Variants in CELF4 observed in about 807,000 individuals in gnomAD.
The protein encoded by CELF4 is CUG-BP- and ETR-3-like factor 4.
Under a neutral mutation model 59.9 loss-of-function variants are expected in CELF4, and 18 were observed. The ratio of observed to expected loss-of-function variants is 0.30; its 90% CI spans 0.21 to 0.45. The LOEUF is 0.45. Among genes scored for constraint, CELF4 ranks in the 20% least tolerant of loss-of-function variants. The pLI is 1.00. For missense variants in CELF4, 456 were observed against 689.0 expected (o/e 0.66, Z 3.79); for synonymous variants, 261 against 267.1 (o/e 0.98, Z 0.22).
In CELF4 at chr18:37,244,491, G is replaced by A. The variant is rs1452993954; in HGVS notation, c.*751C>T. The A allele has an allele frequency of 1.3e-5, 2 of 152,498 alleles. No homozygotes were observed. The highest frequency in any genetic ancestry group is 2.9e-5 in the Non-Finnish European group (2 of 68,018). The allele number at this position is 152,498 out of a possible 1,614,324, so 9.4% of individuals were successfully genotyped here. A position where few individuals can be genotyped will look rare whatever the true frequency, so the allele number is the denominator to read the frequency against. ...ATAGACTTGGATGAGGGTCATCAAA[G>A]CGCCTCTCAAAGTATCAAAGAACTA... On this transcript the variant is annotated 3_prime_UTR_variant, in exon 13 of 13. Coordinates refer to ENST00000420428, the MANE Select transcript of CELF4 (RefSeq NM_020180.4).
chr18:37,279,525 G>C (rs2093850037), intron 3 of CELF4, among the ~76,000 whole-genome samples: 1 of 152,226 alleles, frequency 6.6e-6, no homozygotes, highest in Non-Finnish European at 1.5e-5. Flanking sequence ...AGGGGAGCAA[G>C]CATGTTCTAC....
chr18:37,311,744 A>T (rs1194226913), intron 3 of CELF4, among the ~76,000 whole-genome samples: 3 of 145,386 alleles, frequency 2.1e-5, no homozygotes, highest in Non-Finnish European at 4.5e-5. Context: ...AGCCAGGATC[A>T]TGCCACTGCA....
chr18:37,417,733 C>T (rs1486119824), intron 2 of CELF4, among the ~76,000 whole-genome samples: 1 of 152,206 alleles, frequency 6.6e-6, no homozygotes, highest in Non-Finnish European at 1.5e-5. Flanking sequence ...ACTGTGAAGG[C>T]CAGTCTGATT....
In CELF4 at chr18:37,485,603, G is replaced by T. The variant is rs1440844603; in HGVS notation, c.291C>A (p.Cys97Ter). Reference protein sequence around the residue: ...KDRFTGMHKGCAFLTYCERES... With the variant: ...KDRFTGMHKG ...CACGCTCGCAGTAGGTGAGGAAGGC[G>T]CAGCCTGGGGAGGAAAGCAAGCGCC... Residue 97 changes from cysteine (C) to a stop codon, truncating the protein, a stop_gained, in exon 2 of 13, where the codon TGC becomes TGA. Coordinates refer to ENST00000420428, the MANE Select transcript of CELF4 (RefSeq NM_020180.4). LOFTEE classifies it high-confidence loss of function. 2 of 1,451,358 alleles carry T rather than the reference G, an allele frequency of 1.4e-6. No homozygotes were observed. The highest frequency in any genetic ancestry group is 1.4e-5 in the South Asian group (1 of 68,982). 89.9% of individuals were successfully genotyped at this position (1,451,358 alleles called of 1,614,324 possible).
rs71168259 is a variant in CELF4 at position 37,444,652 on chromosome 18, A to ACACACACACACACACG, written c.369+40872_369+40873insCGTGTGTGTGTGTGTG. On this transcript the variant is annotated intron_variant, in intron 2 of 12. Coordinates refer to ENST00000420428, the MANE Select transcript of CELF4 (RefSeq NM_020180.4). ...CACACACACACACACACACACACAC[A>ACACACACACACACACG]CGCGAACGATGCAGTTTCAGAGGAG... Among the ~76,000 whole-genome samples, 560 of 144,104 alleles carry ACACACACACACACACG rather than the reference A, an allele frequency of 3.9e-3. 4 individuals carry two copies. Among genetic ancestry groups the ACACACACACACACACG allele is most frequent in the African/African-American group, 0.014 (526 of 38,550 alleles). The allele number at this position is 144,104 out of a possible 152,430, so 94.5% of individuals were successfully genotyped here. A position where few individuals can be genotyped will look rare whatever the true frequency, so the allele number is the denominator to read the frequency against.
chr18:37,350,157 G>A (rs2098409126), intron 2 of CELF4, among the ~76,000 whole-genome samples: 1 of 152,094 alleles, frequency 6.6e-6, no homozygotes, highest in Non-Finnish European at 1.5e-5. Context: ...TCAGCAACCA[G>A]GGACAGGCAC....
At chr18:37,462,941 G>T (rs1219680210) in intron 2 of CELF4, among the ~76,000 whole-genome samples, 1 of 152,140 alleles carries the variant, frequency 6.6e-6, no homozygotes, top group African/African-American at 2.4e-5. Flanking sequence ...ATAATGCAAG[G>T]TGTACCATGT....
At position 37,367,820 on chromosome 18, in the gene CELF4, G is replaced by T. The variant is rs79914366; in HGVS notation, c.370-45939C>A. ...GTCAGCTCCGTGGCGCCGGTGAAGT[G>T]GGAAAGTTCATCCATCTCTCCTAAC... On this transcript the variant is annotated intron_variant, in intron 2 of 12. Coordinates refer to ENST00000420428, the MANE Select transcript of CELF4 (RefSeq NM_020180.4). Among the ~76,000 whole-genome samples, 108 of 152,214 alleles carry T rather than the reference G, an allele frequency of 7.1e-4. 2 individuals carry two copies. The East Asian group carries it at 0.017, about 23-fold the overall frequency.
intron 1 of CELF4, among the ~76,000 whole-genome samples, chr18:37,488,571 A>T (rs1388616228): frequency 6.6e-6 from 1 of 152,108 alleles, no homozygotes; most frequent in Admixed American, 6.5e-5. Context: ...AGAGTTGATA[A>T]GTGGGTTCCT....
At chr18:37,393,516 G>A (rs1443875326) in intron 2 of CELF4, among the ~76,000 whole-genome samples, 1 of 152,218 alleles carries the variant, frequency 6.6e-6, no homozygotes, top group African/African-American at 2.4e-5. Context: ...CTGGGTTTGG[G>A]CTGCCTGGAG....
chr18:37,327,787 C>G (rs1383075907), intron 2 of CELF4, among the ~76,000 whole-genome samples: 1 of 152,186 alleles, frequency 6.6e-6, no homozygotes, highest in Non-Finnish European at 1.5e-5. Flanking sequence ...CCTCTGTGCC[C>G]TCTGCTTCAC....
intron 2 of CELF4, among the ~76,000 whole-genome samples, chr18:37,357,501 A>G (rs1425962579): frequency 2.6e-5 from 4 of 152,232 alleles, no homozygotes; most frequent in African/African-American, 9.6e-5. Flanking sequence ...TGGGGTCCTC[A>G]TGGAGAACCT....
intron 1 of CELF4, among the ~76,000 whole-genome samples, chr18:37,520,400 G>C (rs1310278595): frequency 6.6e-6 from 1 of 152,218 alleles, no homozygotes; most frequent in East Asian, 1.9e-4. Flanking sequence ...ATGTAGAAAT[G>C]AAGGCCCAGA....
chr18:37,271,975 T>C (rs948438), intron 7 of CELF4, among the ~76,000 whole-genome samples: 74,179 of 152,040 alleles, frequency 0.49, 18,623 homozygotes, highest in African/African-American at 0.56. Flanking sequence ...GGACCTGAGG[T>C]TGGCCACTGC....
At chr18:37,251,880 A>G (rs959939553) in intron 12 of CELF4, among the ~76,000 whole-genome samples, 1 of 152,054 alleles carries the variant, frequency 6.6e-6, no homozygotes, top group Non-Finnish European at 1.5e-5. Context: ...TCTGAATAAC[A>G]TGTGTGTTTG....
chr18:37,292,986 G>T (rs1310845590), intron 3 of CELF4, among the ~76,000 whole-genome samples: 1 of 152,170 alleles, frequency 6.6e-6, no homozygotes, highest in Admixed American at 6.5e-5. Context: ...CCTCTCATAG[G>T]CAAAACTCAG....
At position 37,391,059 on chromosome 18, in the gene CELF4, C is replaced by T. The variant is rs555767473; in HGVS notation, c.370-69178G>A. Among the ~76,000 whole-genome samples, 18 of 152,200 alleles carry T rather than the reference C, an allele frequency of 1.2e-4. No individual in the cohort carries two copies. The South Asian group carries it at 2.1e-3, about 18-fold the overall frequency. On this transcript the variant is annotated intron_variant, in intron 2 of 12. Transcript: ENST00000420428. ...TGCCTGCCTCAGTCATGTCTGGTCTCGTTTGGCCGGCCTGAGGTGCCACCA... is the reference window on the plus strand; with the variant it reads ...TGCCTGCCTCAGTCATGTCTGGTCTTGTTTGGCCGGCCTGAGGTGCCACCA...
At chr18:37,519,119 G>C (rs1011387633) in intron 1 of CELF4, among the ~76,000 whole-genome samples, 2 of 140,362 alleles carry the variant, frequency 1.4e-5, no homozygotes, top group East Asian at 2.3e-4. Flanking sequence ...GCCTCCAAGG[G>C]CCTGGCCACA....
chr18:37,389,466 C>T (rs531874421), intron 2 of CELF4, among the ~76,000 whole-genome samples: 9 of 152,332 alleles, frequency 5.9e-5, no homozygotes, highest in Non-Finnish European at 1.2e-4. Context: ...CCCTATATTT[C>T]ATCCATCACC....
Sources: allele counts gnomAD v4.1 joint callset (sites outside exome capture counted in the v4.1 genomes callset), GRCh38; gene constraint gnomAD v4.1.1; transcripts MANE v1.5; gene names NCBI Gene and HGNC (gene_info 2026-07-23, HGNC 2026-07-21).